The following NPAS4 variants were observed in gnomAD, a reference collection of about 807,000 sequenced individuals.
NPAS4 encodes the protein neuronal PAS domain protein 4.
Under a neutral mutation model 64.0 loss-of-function variants are expected in NPAS4, and 10 were observed. The ratio of observed to expected loss-of-function variants is 0.16; its 90% CI spans 0.10 to 0.26. NPAS4 has a LOEUF of 0.26. NPAS4 is among the 10% of genes least tolerant of loss of function. The pLI, the probability that NPAS4 is intolerant of heterozygous loss-of-function variation, is 1.00. For synonymous variants in NPAS4, 441 were observed against 411.7 expected (o/e 1.07, Z -0.86); for missense variants, 886 against 992.6 (o/e 0.89, Z 1.44).
At chr11:66,417,126 T>A (rs984917514), upstream of NPAS4, 1 of 151,764 alleles carries the variant, frequency 6.6e-6, no homozygotes, top group Non-Finnish European at 1.5e-5. Flanking sequence ...AGCCAATCCC[T>A]CCTCGATGCC....
Position 66,421,187 on chromosome 11 carries a change from G to T in NPAS4, c.8G>T (p.Arg3Leu). The change falls in exon 1 of 8, where the codon CGC becomes CTC. Residue 3 changes from arginine to leucine, a missense_variant. Transcript: ENST00000311034. Reference sequence around the variant, plus strand: ...GCTCCGCAGCCGCCGGTCATGTACCGCTCCACCAAGGGCGCCTCCAAGGCG... The same window carrying T: ...GCTCCGCAGCCGCCGGTCATGTACCTCTCCACCAAGGGCGCCTCCAAGGCG... MY[R>L]STKGASKARR... The T allele has an allele frequency of 6.2e-7, 1 of 1,607,780 alleles. No individual in the cohort carries two copies. Among genetic ancestry groups the T allele is most frequent in the Non-Finnish European group, 8.5e-7 (1 of 1,177,378 alleles).
chr11:66,423,660 G>A lies in NPAS4; in HGVS notation c.891G>A (p.Leu297=). The A allele has an allele frequency of 6.2e-7, 1 of 1,614,164 alleles. No homozygotes were observed. Among genetic ancestry groups the A allele is most frequent in the Non-Finnish European group, 8.5e-7 (1 of 1,180,002 alleles). Residue 297 remains leucine, a synonymous_variant, in exon 6 of 8, where the codon CTG becomes CTA. Transcript: ENST00000311034. ...GAGGCTGGGCATGGATTTACTGCCT[G>A]TTATACTCAGAAGGTCCAGAGGGAC... ...KTGGWAWIYC[L]LYSEGPEGPI...
intron 4 of NPAS4, 35 bp downstream of exon 4, chr11:66,422,976 C>T (rs1856772189): frequency 1.9e-6 from 3 of 1,594,524 alleles, no homozygotes; most frequent in South Asian, 2.2e-5. Flanking sequence ...AAGAGAAAGG[C>T]AGGCCAGAGA....
chr11:66,418,734 C>T (rs1856696862), upstream of NPAS4, among the ~76,000 whole-genome samples: 1 of 152,164 alleles, frequency 6.6e-6, no homozygotes, highest in African/African-American at 2.4e-5. Flanking sequence ...ATCTTGGCCC[C>T]CTGCAAACCC....
chr11:66,418,009 GACAC>G (rs201887675), upstream of NPAS4, among the ~76,000 whole-genome samples: 2,097 of 151,980 alleles, frequency 0.014, 40 homozygotes, highest in African/African-American at 0.047. Flanking sequence ...CAAACACACA[GACAC>G]ACACACAGAG....
In NPAS4 at chr11:66,424,948, G is replaced by C; in HGVS notation, c.2058G>C (p.Leu686=). 6.2e-7 allele frequency: 1 copy of C among 1,614,140 alleles called. No homozygotes were observed. Among genetic ancestry groups the C allele is most frequent in the Non-Finnish European group, 8.5e-7 (1 of 1,180,020 alleles). The part of the protein sequence containing the change: ...GAGPPVLSLD[L]KPWKCQELDF... ...GCCCCCCTGTGCTCAGCCTGGACCT[G>C]AAACCCTGGAAATGCCAGGAGCTGG... Residue 686 remains leucine (L), a synonymous_variant, in exon 7 of 8, where the codon CTG becomes CTC. Transcript: ENST00000311034.
chr11:66,411,245 T>C, the NPAS4 span, among the ~76,000 whole-genome samples: 2 of 152,172 alleles, frequency 1.3e-5, no homozygotes, highest in African/African-American at 4.8e-5. Flanking sequence ...CAAGAGGCAC[T>C]GGGACAGGTG....
At chr11:66,415,515 A>G in the NPAS4 span, among the ~76,000 whole-genome samples, 5 of 152,236 alleles carry the variant, frequency 3.3e-5, no homozygotes, top group African/African-American at 1.2e-4. Context: ...TTTTTGAACC[A>G]TATGGTCTCT....
chr11:66,417,892 C>A (rs1856688666), upstream of NPAS4, among the ~76,000 whole-genome samples: 1 of 152,106 alleles, frequency 6.6e-6, no homozygotes. Context: ...TACAAAGACA[C>A]ATGCAAACAG....
Position 66,424,000 on chromosome 11 carries a change from C to A in NPAS4, c.1110C>A (p.Pro370=). The part of the protein sequence containing the change: ...NPLFTAALGA[P]RSTSFPSAPE... ...TCTTCACCGCAGCACTGGGGGCTCC[C>A]AGAAGCACCAGCTTCCCCAGTGCTC... Residue 370 remains proline, a synonymous_variant, in exon 7 of 8, where the codon CCC becomes CCA. Transcript: ENST00000311034. The A allele has an allele frequency of 6.2e-7, 1 of 1,614,134 alleles. No individual in the cohort carries two copies. Among genetic ancestry groups the A allele is most frequent in the Non-Finnish European group, 8.5e-7 (1 of 1,180,016 alleles).
intron 2 of NPAS4, 28 bp from the exon 3 acceptor site, chr11:66,422,423 T>C: frequency 1.3e-6 from 2 of 1,549,892 alleles, no homozygotes; most frequent in Non-Finnish European, 1.8e-6. Flanking sequence ...TTCTCCCTAA[T>C]GGTCATCTCT....
At chr11:66,418,244 TCTG>T (rs1856692387), upstream of NPAS4, among the ~76,000 whole-genome samples, 1 of 152,160 alleles carries the variant, frequency 6.6e-6, no homozygotes. Context: ...CTTAGCTTGT[TCTG>T]CTGCTGCCTG....
chr11:66,414,234 T>A, the NPAS4 span, among the ~76,000 whole-genome samples: 1 of 152,100 alleles, frequency 6.6e-6, no homozygotes, highest in African/African-American at 2.4e-5. Context: ...TGAAAATGAA[T>A]GTGAGGAAAA....
chr11:66,423,389 G>A, intron 5 of NPAS4, 157 bp downstream of exon 5: 1 of 817,316 alleles, frequency 1.2e-6, no homozygotes. Flanking sequence ...AGGATTCAAG[G>A]CAATAATCAA....
In NPAS4 at chr11:66,424,508, G is replaced by A. The variant is rs1174404629; in HGVS notation, c.1618G>A (p.Ala540Thr). The change falls in exon 7 of 8, where the codon GCA becomes ACA. Residue 540 changes from alanine to threonine, a missense_variant. This residue lies in a region of NPAS4 where 820 missense variants were observed against 855.5 expected (regional missense o/e 0.96). Coordinates refer to ENST00000311034, the MANE Select transcript of NPAS4 (RefSeq NM_178864.4). ...GACTCCTCCCAGCACAGCATTCCAA[G>A]CACACCTGGACAGCCCCAGCCAAAC... is the stretch of plus-strand genomic sequence containing the variant. ...QLTPPSTAFQ[A>T]HLDSPSQTFP... 1 of 1,614,086 alleles carries A rather than the reference G, an allele frequency of 6.2e-7. No homozygotes were observed. Among genetic ancestry groups the A allele is most frequent in the Non-Finnish European group, 8.5e-7 (1 of 1,180,020 alleles).
At chr11:66,423,046 G>A (rs1856774232) in intron 4 of NPAS4, 77 bp from the exon 5 acceptor site, 5 of 1,506,712 alleles carry the variant, frequency 3.3e-6, no homozygotes, top group Non-Finnish European at 4.5e-6. Context: ...GGGGGCAGAG[G>A]ATCTGGGAGG....
intron 7 of NPAS4, 98 bp from the exon 8 acceptor site, chr11:66,425,863 C>A (rs776591505): frequency 2.1e-4 from 191 of 915,988 alleles, no homozygotes; most frequent in Non-Finnish European, 1.9e-4. Context: ...GAGCCAATAT[C>A]TTTGAAGCCT....
chr11:66,424,600 C>T lies in NPAS4; in HGVS notation c.1710C>T (p.Leu570=). ...TTGCCCAGGAGGGATGCAGTTTTCT[C>T]TATGAGAAGTTGCCCCCAAGTCCTA... is the stretch of plus-strand genomic sequence containing the variant. ...TYFAQEGCSF[L]YEKLPPSPSS... Residue 570 remains leucine, a synonymous_variant, in exon 7 of 8, where the codon CTC becomes CTT. Transcript: ENST00000311034. The T allele has an allele frequency of 6.2e-7, 1 of 1,614,192 alleles. No individual in the cohort carries two copies. The highest frequency in any genetic ancestry group is 8.5e-7 in the Non-Finnish European group (1 of 1,180,032).
In NPAS4 at chr11:66,421,337, G is replaced by A. The variant is rs1478172360; in HGVS notation, c.158G>A (p.Gly53Asp). ...MSLACIYTRKGVFFAGGTPLA... is the reference protein window; with the variant it reads ...MSLACIYTRKDVFFAGGTPLA... ...CTCGCCTGCATCTACACTCGCAAGG[G>A]CGTCTTCTTCGCTGGTGGTGAGCAT... Residue 53 changes from glycine to aspartate, a missense_variant, in exon 1 of 8, where the codon GGC (glycine) becomes GAC (aspartate). By Grantham distance (94) the Gly-to-Asp change is moderately conservative. Transcript: ENST00000311034. 2 of 1,613,976 alleles carry A rather than the reference G, an allele frequency of 1.2e-6. No homozygotes were observed. The highest frequency in any genetic ancestry group is 2.7e-5 in the African/African-American group (2 of 74,954).
Sources: allele counts gnomAD v4.1 joint callset (sites outside exome capture counted in the v4.1 genomes callset), GRCh38; gene constraint gnomAD v4.1.1; regional missense constraint gnomAD v4.1.1; transcripts MANE v1.5; gene names NCBI Gene and HGNC (gene_info 2026-07-23, HGNC 2026-07-21).